Variants in RANBP17 observed in about 807,000 individuals in gnomAD.
The protein encoded by RANBP17 is ran-binding protein 17.
Under a neutral mutation model 141.2 loss-of-function variants are expected in RANBP17, and 158 were observed. The ratio of observed to expected loss-of-function variants is 1.12; its 90% confidence interval spans 0.98 to 1.28. The LOEUF is 1.28. Ranked by LOEUF, RANBP17 falls within the 50% of genes most tolerant of loss-of-function variation. RANBP17 has a pLI of 0.00. For missense variants in RANBP17, 1,438 were observed against 1,290.7 expected (o/e 1.11, Z -1.75); for synonymous variants, 430 against 450.0 (o/e 0.96, Z 0.56).
chr5:170,981,987 A>G (rs960359474), intron 14 of RANBP17, among the ~76,000 whole-genome samples: 9 of 152,318 alleles, frequency 5.9e-5, no homozygotes, highest in African/African-American at 2.2e-4. Flanking sequence ...TACCTGTCCC[A>G]GCACAACTGG....
intron 12 of RANBP17, among the ~76,000 whole-genome samples, chr5:170,933,932 G>A (rs1430311205): frequency 3.9e-5 from 6 of 152,108 alleles, no homozygotes; most frequent in East Asian, 1.9e-4. Context: ...TATTAGGTCT[G>A]CTTGGTGCAG....
At chr5:171,191,621 A>T (rs1438680959) in intron 18 of RANBP17, among the ~76,000 whole-genome samples, 1 of 151,746 alleles carries the variant, frequency 6.6e-6, no homozygotes. Flanking sequence ...CCGGAGGCGG[A>T]GCTTGCAGTG....
intron 14 of RANBP17, among the ~76,000 whole-genome samples, chr5:171,046,400 C>T (rs1028506707): frequency 1.3e-5 from 2 of 151,650 alleles, no homozygotes; most frequent in African/African-American, 2.4e-5. Flanking sequence ...AGTAGAGACA[C>T]GGTTTCACCA....
In RANBP17 at chr5:170,878,088, T is replaced by TC. The variant is rs774044192; in HGVS notation, c.19-8dup. On this transcript the variant is annotated splice_polypyrimidine_tract_variant and intron_variant, in intron 1 of 27. Coordinates refer to ENST00000523189, the MANE Select transcript of RANBP17 (RefSeq NM_022897.5). ...TTGAAGTAAAATGTTAATTTTTTTT[T>TC]CTTTGAAGAGTTTGGCTGAATTGGA... is the stretch of plus-strand genomic sequence containing the variant. 12 of 1,541,620 alleles carry TC rather than the reference T, an allele frequency of 7.8e-6. No individual in the cohort carries two copies. In the African/African-American group the frequency reaches 1.5e-4, roughly 20 times the overall value.
chr5:170,909,866 A>G (rs1771392078), intron 6 of RANBP17, 101 bp downstream of exon 6: 2 of 696,640 alleles, frequency 2.9e-6, no homozygotes, highest in African/African-American at 3.6e-5. Flanking sequence ...TTTGCCTTTT[A>G]AAGAATTATT....
chr5:171,127,735 G>A (rs1356330198), intron 14 of RANBP17, among the ~76,000 whole-genome samples: 1 of 152,160 alleles, frequency 6.6e-6, no homozygotes. Context: ...GAGGTGAAAA[G>A]GGAACTGTCA....
intron 25 of RANBP17, among the ~76,000 whole-genome samples, chr5:171,266,131 C>T (rs372505451): frequency 1.7e-4 from 26 of 152,170 alleles, no homozygotes; most frequent in South Asian, 8.3e-4. Flanking sequence ...TAGACAAAAC[C>T]GGAACTGGAA....
intron 14 of RANBP17, among the ~76,000 whole-genome samples, chr5:171,118,535 T>A (rs968613568): frequency 6.6e-5 from 10 of 152,188 alleles, no homozygotes; most frequent in African/African-American, 2.4e-4. Context: ...GAGCATAGGA[T>A]GTTTTTTTCT....
chr5:171,213,539 A>G (rs1201598760), intron 20 of RANBP17, 92 bp from the exon 21 acceptor site: 1 of 845,310 alleles, frequency 1.2e-6, no homozygotes, highest in African/African-American at 1.7e-5. Context: ...ACAAATGTGG[A>G]TTCCCTTTTG....
chr5:170,911,546 G>T, intron 7 of RANBP17: 1 of 729,240 alleles, frequency 1.4e-6, no homozygotes, highest in African/African-American at 1.7e-5. Context: ...TCTTGAAACT[G>T]GTCCTTAACT....
At chr5:171,136,808 A>G (rs1003119422) in intron 14 of RANBP17, among the ~76,000 whole-genome samples, 1 of 152,200 alleles carries the variant, frequency 6.6e-6, no homozygotes, top group Non-Finnish European at 1.5e-5. Context: ...ACACAATTAA[A>G]TAAAAATTCA....
chr5:171,079,407 G>C (rs539805205), intron 14 of RANBP17, among the ~76,000 whole-genome samples: 25 of 152,362 alleles, frequency 1.6e-4, no homozygotes, highest in African/African-American at 6.0e-4. Flanking sequence ...TTGATAAAGT[G>C]ATGGCAAGGT....
intron 13 of RANBP17, among the ~76,000 whole-genome samples, chr5:170,961,026 G>A (rs1250016651): frequency 4.6e-5 from 7 of 152,330 alleles, no homozygotes; most frequent in East Asian, 3.9e-4. Flanking sequence ...GATTACAGGC[G>A]TGAGCCACTG....
intron 22 of RANBP17, among the ~76,000 whole-genome samples, chr5:171,235,928 G>A (rs964548869): frequency 6.6e-6 from 1 of 152,088 alleles, no homozygotes; most frequent in African/African-American, 2.4e-5. Context: ...TCACCAAATT[G>A]CCTTCTAGAA....
chr5:171,256,927 T>G (rs893957937), intron 24 of RANBP17, among the ~76,000 whole-genome samples: 1 of 149,512 alleles, frequency 6.7e-6, no homozygotes, highest in African/African-American at 2.5e-5. Context: ...AAAAAAAAAA[T>G]CCCAGCAAAA....
intron 14 of RANBP17, among the ~76,000 whole-genome samples, chr5:171,023,702 AC>A (rs1706194755): frequency 6.6e-6 from 1 of 152,186 alleles, no homozygotes; most frequent in African/African-American, 2.4e-5. Flanking sequence ...ATAGTTTCTG[AC>A]AAGAAGTCTG....
In RANBP17 at chr5:171,142,503, A is replaced by C. The variant is rs143311421; in HGVS notation, c.1711-27627A>C. Among the ~76,000 whole-genome samples the C allele has an allele frequency of 2.0e-3, 312 of 152,298 alleles. 2 individuals are homozygous for C. Among genetic ancestry groups the C allele is most frequent in the African/African-American group, 7.3e-3 (303 of 41,574 alleles). ...CCTTTATAGATAAGATTTTATACCC[A>C]TCACAAATATTAATTATTGCAAATT... is the stretch of plus-strand genomic sequence containing the variant. On this transcript the variant is annotated intron_variant, in intron 14 of 27. Coordinates refer to ENST00000523189, the MANE Select transcript of RANBP17 (RefSeq NM_022897.5).
chr5:171,127,730 G>A (rs367993145), intron 14 of RANBP17, among the ~76,000 whole-genome samples: 3 of 152,198 alleles, frequency 2.0e-5, no homozygotes, highest in Non-Finnish European at 2.9e-5. Context: ...AAGATGAGGT[G>A]AAAAGGGAAC....
chr5:171,101,451 G>A (rs573863855), intron 14 of RANBP17, among the ~76,000 whole-genome samples: 1 of 152,208 alleles, frequency 6.6e-6, no homozygotes, highest in South Asian at 2.1e-4. Flanking sequence ...CATTTGCTTG[G>A]TAAAGCTTCT....
Sources: gnomAD v4.1 joint callset for allele counts (sites outside exome capture counted in the v4.1 genomes callset) on GRCh38, gnomAD v4.1.1 for gene constraint, MANE v1.5 for transcripts, NCBI Gene and HGNC (gene_info 2026-07-23, HGNC 2026-07-21) for gene names.